The following NKAIN3 variants were observed in gnomAD, a reference collection of about 807,000 sequenced individuals.
NKAIN3 encodes the protein sodium/potassium transporting ATPase interacting 3.
In NKAIN3, 25 loss-of-function variants were observed where a neutral mutation model predicts 30.2. That is an observed-to-expected ratio of 0.83 (90% CI 0.60 to 1.16). The LOEUF (loss-of-function observed/expected upper bound fraction) is 1.16, where lower values mean the gene tolerates loss of function less well. Among genes scored for constraint, NKAIN3 ranks in the 50% most tolerant of loss-of-function variants. The pLI, the probability that NKAIN3 is intolerant of heterozygous loss-of-function variation, is 0.00. For synonymous variants in NKAIN3, 91 were observed against 89.6 expected, an observed-to-expected ratio of 1.02 and a Z score of -0.09; for missense variants, 225 against 254.1, an observed-to-expected ratio of 0.89 and a Z score of 0.78.
intron 1 of NKAIN3, among the ~76,000 whole-genome samples, chr8:62,375,846 A>G (rs1437013967): frequency 6.6e-6 from 1 of 152,236 alleles, no homozygotes; most frequent in Admixed American, 6.5e-5. Context: ...ATTTCAGTCC[A>G]CAGACTTTGA....
intron 4 of NKAIN3, among the ~76,000 whole-genome samples, chr8:62,836,309 C>T (rs527415844): frequency 2.6e-5 from 4 of 151,952 alleles, no homozygotes; most frequent in African/African-American, 4.8e-5. Flanking sequence ...GCACATATAC[C>T]GCCTCAATCT....
intron 5 of NKAIN3, among the ~76,000 whole-genome samples, chr8:62,995,431 T>C (rs1006777565): frequency 6.6e-6 from 1 of 152,210 alleles, no homozygotes; most frequent in Non-Finnish European, 1.5e-5. Context: ...AGATGAATGC[T>C]ACAGTAGAAG....
intron 4 of NKAIN3, among the ~76,000 whole-genome samples, chr8:62,904,041 G>A (rs1821697224): frequency 6.6e-6 from 1 of 152,190 alleles, no homozygotes; most frequent in South Asian, 2.1e-4. Context: ...TCCACTGAGG[G>A]TGAACCCTTG....
intron 1 of NKAIN3, among the ~76,000 whole-genome samples, chr8:62,331,325 T>C (rs185524355): frequency 6.6e-6 from 1 of 152,112 alleles, no homozygotes; most frequent in African/African-American, 2.4e-5. Flanking sequence ...GTGTGTTGCC[T>C]CTTCTTGGAT....
At chr8:62,488,567 T>A (rs1250192674) in intron 1 of NKAIN3, among the ~76,000 whole-genome samples, 1 of 152,140 alleles carries the variant, frequency 6.6e-6, no homozygotes, top group East Asian at 1.9e-4. Flanking sequence ...AATGAATACA[T>A]GAGGAAATGA....
chr8:62,466,825 T>C (rs556096347), intron 1 of NKAIN3, among the ~76,000 whole-genome samples: 1 of 152,300 alleles, frequency 6.6e-6, no homozygotes, highest in African/African-American at 2.4e-5. Flanking sequence ...CCCTTTTATG[T>C]TATTAGCAAT....
chr8:62,345,454 T>TACAC lies in NKAIN3; in HGVS notation c.54+96327_54+96328insACAC, dbSNP rs1485113697. Among the ~76,000 whole-genome samples the TACAC allele has an allele frequency of 1.0e-3, 107 of 104,410 alleles. 5 individuals carry two copies. Among genetic ancestry groups the TACAC allele is most frequent in the African/African-American group, 4.1e-3 (102 of 25,092 alleles). 68.5% of individuals were successfully genotyped at this position (104,410 alleles called of 152,430 possible). On this transcript the variant is annotated intron_variant, in intron 1 of 6. Transcript: ENST00000623646. ...ACATATATGTATATATACACACATA[T>TACAC]GTATATATACACATATATACACATA...
At chr8:62,359,628 A>G (rs184217598) in intron 1 of NKAIN3, among the ~76,000 whole-genome samples, 1 of 152,306 alleles carries the variant, frequency 6.6e-6, no homozygotes, top group Non-Finnish European at 1.5e-5. Context: ...TCATTCCACT[A>G]CTATGAAGAG....
At chr8:62,946,585 A>C (rs1823131200) in intron 5 of NKAIN3, among the ~76,000 whole-genome samples, 1 of 152,180 alleles carries the variant, frequency 6.6e-6, no homozygotes, top group African/African-American at 2.4e-5. Context: ...TGTGTGAACT[A>C]AGTTGATGTC....
At chr8:62,276,144 C>A (rs1251620251) in intron 1 of NKAIN3, among the ~76,000 whole-genome samples, 1 of 152,156 alleles carries the variant, frequency 6.6e-6, no homozygotes, top group Non-Finnish European at 1.5e-5. Context: ...CAGCTCACTG[C>A]AACCTCCGCC....
intron 1 of NKAIN3, among the ~76,000 whole-genome samples, chr8:62,312,012 T>G (rs1313127814): frequency 6.7e-6 from 1 of 150,026 alleles, no homozygotes; most frequent in Non-Finnish European, 1.5e-5. Flanking sequence ...AAAATAAAAA[T>G]CTTAATTACA....
chr8:62,455,251 T>C (rs1805777013), intron 1 of NKAIN3, among the ~76,000 whole-genome samples: 3 of 152,194 alleles, frequency 2.0e-5, no homozygotes, highest in Non-Finnish European at 2.9e-5. Flanking sequence ...AAAGTACTAT[T>C]CACATAGAAT....
intron 1 of NKAIN3, among the ~76,000 whole-genome samples, chr8:62,534,440 G>A (rs1385913759): frequency 6.6e-6 from 1 of 152,062 alleles, no homozygotes. Flanking sequence ...CCACCAGCAC[G>A]TCATTTGTTA....
intron 3 of NKAIN3, among the ~76,000 whole-genome samples, chr8:62,627,504 CTG>C (rs1473995069): frequency 6.6e-6 from 1 of 152,034 alleles, no homozygotes; most frequent in Non-Finnish European, 1.5e-5. Context: ...ATGAGGTACT[CTG>C]GAGCTGGGAT....
At chr8:62,778,654 C>T (rs185954921) in intron 4 of NKAIN3, among the ~76,000 whole-genome samples, 14 of 152,152 alleles carry the variant, frequency 9.2e-5, no homozygotes, top group East Asian at 3.9e-4. Flanking sequence ...TTTGAGAGGG[C>T]GAGAGACTGG....
Position 62,334,734 on chromosome 8 carries a change from T to G in NKAIN3, c.54+85607T>G, listed in dbSNP as rs372759876. ...TGTGGGTCAAAATTTGGATGGGGTT[T>G]GGCTGGGCAATTCTCCATGTGGCAT... On this transcript the variant is annotated intron_variant, in intron 1 of 6. Coordinates refer to ENST00000623646, the MANE Select transcript of NKAIN3 (RefSeq NM_001304533.3). Among the ~76,000 whole-genome samples, 11 of 152,212 alleles carry G rather than the reference T, an allele frequency of 7.2e-5. No individual in the cohort carries two copies. The South Asian group carries it at 1.2e-3, about 17-fold the overall frequency.
At chr8:62,264,296 C>T (rs546488514) in intron 1 of NKAIN3, among the ~76,000 whole-genome samples, 1 of 152,312 alleles carries the variant, frequency 6.6e-6, no homozygotes, top group African/African-American at 2.4e-5. Flanking sequence ...TATTGTCCCA[C>T]TTTGCATGTT....
chr8:62,901,231 T>C (rs1317201069), intron 4 of NKAIN3, among the ~76,000 whole-genome samples: 1 of 152,156 alleles, frequency 6.6e-6, no homozygotes, highest in African/African-American at 2.4e-5. Flanking sequence ...CTGTGATCTG[T>C]TGCAGCAATG....
At position 62,876,156 on chromosome 8, in the gene NKAIN3, G is replaced by A. The variant is rs139918701; in HGVS notation, c.472-42297G>A. Among the ~76,000 whole-genome samples the A allele has an allele frequency of 1.3e-3, 191 of 152,178 alleles. 1 individual carries two copies. In the Middle Eastern group the frequency reaches 0.02, roughly 16 times the overall value. ...GAAACAAACAACCCCATCAAAAAGC[G>A]GGCAAAGGATATGAACAGACACTTC... is the stretch of plus-strand genomic sequence containing the variant. On this transcript the variant is annotated intron_variant, in intron 4 of 6. Transcript: ENST00000623646.
Sources: gnomAD v4.1 joint callset for allele counts (sites outside exome capture counted in the v4.1 genomes callset) on GRCh38, gnomAD v4.1.1 for gene constraint, MANE v1.5 for transcripts, NCBI Gene and HGNC (gene_info 2026-07-23, HGNC 2026-07-21) for gene names.